The following PCDHA10 variants were observed in gnomAD, a reference collection of about 807,000 sequenced individuals.
PCDHA10 encodes the protein protocadherin alpha-10.
Under a neutral mutation model 61.2 loss-of-function variants are expected in PCDHA10, and 45 were observed. The observed-to-expected ratio is 0.74, with a 90% CI of 0.58 to 0.94. The LOEUF is 0.94. Ranked by LOEUF, PCDHA10 falls within the 40% of genes least tolerant of loss-of-function variation. The pLI, the probability that PCDHA10 is intolerant of heterozygous loss-of-function variation, is 0.00. For missense variants in PCDHA10, 1,278 were observed against 1,236.2 expected (o/e 1.03, Z -0.51); for synonymous variants, 602 against 548.8 (o/e 1.10, Z -1.35).
At position 140,958,540 on chromosome 5, in the gene PCDHA10, A is replaced by G. The variant is rs920451567; in HGVS notation, c.2389-20409A>G. 4.6e-5 allele frequency among the ~76,000 whole-genome samples: 7 copies of G among 152,312 alleles called. 1 individual carries two copies. In the East Asian group the frequency reaches 1.3e-3, roughly 29 times the overall value. On this transcript the variant is annotated intron_variant, in intron 1 of 3. Coordinates refer to ENST00000307360, the MANE Select transcript of PCDHA10 (RefSeq NM_018901.4). ...ATATATACTATGTGTACATTGATTT[A>G]TGAACCAATAAATGTTTCATACACA... is the stretch of plus-strand genomic sequence containing the variant.
At chr5:140,975,130 G>C (rs1445050521) in intron 1 of PCDHA10, among the ~76,000 whole-genome samples, 1 of 152,082 alleles carries the variant, frequency 6.6e-6, no homozygotes, top group Non-Finnish European at 1.5e-5. Flanking sequence ...CTTACTATTG[G>C]CCTGGGGTCA....
intron 1 of PCDHA10, among the ~76,000 whole-genome samples, chr5:140,916,791 G>A (rs1159820496): frequency 6.6e-6 from 1 of 152,128 alleles, no homozygotes; most frequent in Admixed American, 6.5e-5. Flanking sequence ...AGCTGCCCCA[G>A]CTGATGACTT....
At chr5:140,884,509 T>C (rs781917095) in intron 1 of PCDHA10, 3 of 1,612,704 alleles carry the variant, frequency 1.9e-6, no homozygotes, top group Non-Finnish European at 1.7e-6. Flanking sequence ...CGGCAGGGAG[T>C]TGGTCGTACT....
chr5:140,955,234 G>C (rs1373509371), intron 1 of PCDHA10, among the ~76,000 whole-genome samples: 12 of 152,184 alleles, frequency 7.9e-5, no homozygotes, highest in Middle Eastern at 3.4e-3. Flanking sequence ...TTGTTCTTTT[G>C]CTTAGGATCG....
chr5:140,994,141 C>T (rs782520855), intron 3 of PCDHA10, among the ~76,000 whole-genome samples: 1 of 152,256 alleles, frequency 6.6e-6, no homozygotes, highest in African/African-American at 2.4e-5. Context: ...TAATGCCCTA[C>T]GTAGGTAGGG....
intron 1 of PCDHA10, chr5:140,875,895 T>C (rs2153332421): frequency 1.2e-6 from 2 of 1,614,196 alleles, no homozygotes; most frequent in Non-Finnish European, 1.7e-6. Flanking sequence ...AAAAGGTACC[T>C]GTTTCTGAAT....
intron 3 of PCDHA10, among the ~76,000 whole-genome samples, chr5:140,990,798 A>G (rs1554251753): frequency 6.6e-6 from 1 of 152,208 alleles, no homozygotes; most frequent in Admixed American, 6.5e-5. Context: ...ACCATGGAAT[A>G]CAGAAGAAGC....
At chr5:140,880,663 G>A (rs1324939406) in intron 1 of PCDHA10, among the ~76,000 whole-genome samples, 1 of 152,210 alleles carries the variant, frequency 6.6e-6, no homozygotes, top group African/African-American at 2.4e-5. Flanking sequence ...AGGTAAAGGT[G>A]AGAGTAAATT....
rs1342551274 is a variant in PCDHA10, at chr5:140,871,604, T to C, written c.2388+13168T>C. 4 of 1,443,096 alleles carry C rather than the reference T, an allele frequency of 2.8e-6. No homozygotes were observed. In the African/African-American group the frequency reaches 4.3e-5, roughly 16 times the overall value. The allele number at this position is 1,443,096 out of a possible 1,614,324, so 89.4% of individuals were successfully genotyped here. A position where few individuals can be genotyped will look rare whatever the true frequency, so the allele number is the denominator to read the frequency against. On this transcript the variant is annotated intron_variant, in intron 1 of 3. Coordinates refer to ENST00000307360, the MANE Select transcript of PCDHA10 (RefSeq NM_018901.4). The stretch of plus-strand genomic sequence containing the variant: ...AAAGTTTTATGAATAACCAGTGTTT[T>C]GAATATTGTTTTAGATAACAATGTC...
chr5:140,876,087 G>A, intron 1 of PCDHA10: 4 of 1,613,922 alleles, frequency 2.5e-6, no homozygotes, highest in Non-Finnish European at 2.5e-6. Context: ...GAGAGCAAAC[G>A]CCAAAACTCA....
At chr5:140,888,994 T>G (rs1486471421) in intron 1 of PCDHA10, among the ~76,000 whole-genome samples, 1 of 152,272 alleles carries the variant, frequency 6.6e-6, no homozygotes, top group African/African-American at 2.4e-5. Context: ...TATGATTTTC[T>G]TATGGCAAAC....
intron 1 of PCDHA10, among the ~76,000 whole-genome samples, chr5:140,931,320 G>A (rs1350182542): frequency 6.6e-6 from 1 of 151,992 alleles, no homozygotes; most frequent in Non-Finnish European, 1.5e-5. Context: ...TACCAGTAAT[G>A]GCTGTAAAGT....
At chr5:140,927,399 TC>T (rs781939330) in intron 1 of PCDHA10, 1 of 1,614,076 alleles carries the variant, frequency 6.2e-7, no homozygotes. Context: ...GTCAGCACTT[TC>T]GCCTGGACAT....
chr5:140,961,385 T>G (rs1480607533), intron 1 of PCDHA10, among the ~76,000 whole-genome samples: 3 of 152,204 alleles, frequency 2.0e-5, no homozygotes, highest in Non-Finnish European at 4.4e-5. Flanking sequence ...GTTTGAACTA[T>G]TCCATTAGTA....
chr5:140,988,491 AGG>A (rs2097299997), intron 3 of PCDHA10, among the ~76,000 whole-genome samples: 1 of 152,182 alleles, frequency 6.6e-6, no homozygotes, highest in Non-Finnish European at 1.5e-5. Context: ...TCCCCTACCT[AGG>A]AGAAGCCATG....
intron 1 of PCDHA10, among the ~76,000 whole-genome samples, chr5:140,961,545 C>A (rs1486984950): frequency 6.6e-6 from 1 of 152,146 alleles, no homozygotes; most frequent in Non-Finnish European, 1.5e-5. Flanking sequence ...GTTCCTGCAG[C>A]ATTTCTTTTT....
At chr5:140,923,093 A>G (rs1372910044) in intron 1 of PCDHA10, among the ~76,000 whole-genome samples, 3 of 152,194 alleles carry the variant, frequency 2.0e-5, no homozygotes, top group Admixed American at 6.5e-5. Flanking sequence ...TATTTGACCA[A>G]TGGGAGTATG....
At position 140,934,119 on chromosome 5, in the gene PCDHA10, C is replaced by A. The variant is rs1339301991; in HGVS notation, c.2389-44830C>A. Among the ~76,000 whole-genome samples, 6 of 152,170 alleles carry A rather than the reference C, an allele frequency of 3.9e-5. No individual in the cohort carries two copies. In the East Asian group the frequency reaches 1.2e-3, roughly 29 times the overall value. ...GCTTTCTATTTTATTAATTTTCATA[C>A]TTTATTAATTTATTTCCTTCCTTAT... On this transcript the variant is annotated intron_variant, in intron 1 of 3. Transcript: ENST00000307360.
intron 1 of PCDHA10, chr5:140,865,093 G>T (rs535527730): frequency 6.6e-6 from 1 of 152,216 alleles, no homozygotes; most frequent in African/African-American, 2.4e-5. Flanking sequence ...TATTAATAAA[G>T]GCACTTCCAC....
Sources: gnomAD v4.1 joint callset for allele counts (sites outside exome capture counted in the v4.1 genomes callset) on GRCh38, gnomAD v4.1.1 for gene constraint, MANE v1.5 for transcripts, NCBI Gene and HGNC (gene_info 2026-07-23, HGNC 2026-07-21) for gene names.